The following CFL2 variants were observed in gnomAD, a reference collection of about 807,000 sequenced individuals.
CFL2 encodes the protein cofilin-2.
CFL2 carries 10 observed loss-of-function variants against 19.6 expected under a neutral mutation model. The observed-to-expected ratio is 0.51, with a 90% confidence interval of 0.31 to 0.86. CFL2 has a LOEUF of 0.86. Among genes scored for constraint, CFL2 ranks in the 40% least tolerant of loss-of-function variants. The pLI, the probability that CFL2 is intolerant of heterozygous loss-of-function variation, is 0.04. For synonymous variants in CFL2, 63 were observed against 66.7 expected (o/e 0.95, Z 0.27); for missense variants, 125 against 192.1 (o/e 0.65, Z 2.06).
rs1371144604 is a variant in CFL2, at chr14:34,710,722, A to G, written c.*2143T>C. ...AATTATATTAGTATCAGTTTTGTCA[A>G]TCTAGCAAATCAAAGTATCACAGTT... On this transcript the variant is annotated 3_prime_UTR_variant, in exon 4 of 4. Coordinates refer to ENST00000298159, the MANE Select transcript of CFL2 (RefSeq NM_138638.5). The G allele has an allele frequency of 4.4e-6, 2 of 452,010 alleles. No homozygotes were observed. The highest frequency in any genetic ancestry group is 8.8e-6 in the Non-Finnish European group (2 of 226,220). 28.0% of individuals were successfully genotyped at this position (452,010 alleles called of 1,614,324 possible).
At position 34,712,162 on chromosome 14, in the gene CFL2, G is replaced by A. The variant is rs899167155; in HGVS notation, c.*703C>T. 4.4e-6 allele frequency: 2 copies of A among 454,202 alleles called. No homozygotes were observed. The highest frequency in any genetic ancestry group is 4.4e-6 in the Non-Finnish European group (1 of 226,744). 28.1% of individuals were successfully genotyped at this position (454,202 alleles called of 1,614,324 possible). A position where few individuals can be genotyped will look rare whatever the true frequency, so the allele number is the denominator to read the frequency against. Reference sequence around the variant, plus strand: ...ATCTTTAGTGTTGCAGGACTCACATGGTAAACATAAAACTCCTACACTTAT... The same window carrying A: ...ATCTTTAGTGTTGCAGGACTCACATAGTAAACATAAAACTCCTACACTTAT... On this transcript the variant is annotated 3_prime_UTR_variant, in exon 4 of 4. Coordinates refer to ENST00000298159, the MANE Select transcript of CFL2 (RefSeq NM_138638.5).
At chr14:34,714,475 C>T (rs970887168) in intron 1 of CFL2, 63 bp downstream of exon 1, 17 of 1,529,564 alleles carry the variant, frequency 1.1e-5, no homozygotes, top group Middle Eastern at 2.1e-4. Flanking sequence ...GCCTCACTCC[C>T]GGGGCCGTGC....
At chr14:34,714,006 G>A (rs1222980847) in intron 1 of CFL2, among the ~76,000 whole-genome samples, 1 of 152,200 alleles carries the variant, frequency 6.6e-6, no homozygotes, top group Non-Finnish European at 1.5e-5. Context: ...AGAATCAAGT[G>A]TAAACTCCAA....
In CFL2 at chr14:34,714,504, C is replaced by A. The variant is rs547355423; in HGVS notation, c.3+34G>T. 39 of 1,563,872 alleles carry A rather than the reference C, an allele frequency of 2.5e-5. No individual in the cohort carries two copies. The African/African-American group carries it at 5.2e-4, about 21-fold the overall frequency. On this transcript the variant is annotated intron_variant, in intron 1 of 3. Transcript: ENST00000298159. The stretch of plus-strand genomic sequence containing the variant: ...GCCGTGCGGGGGGCTTTTCTCGCCT[C>A]GCCGCGGCCTCCCGGCCAGCGCGCT...
At chr14:34,714,481 C>T in intron 1 of CFL2, 57 bp downstream of exon 1, 3 of 1,536,140 alleles carry the variant, frequency 2.0e-6, no homozygotes, top group Non-Finnish European at 2.6e-6. Flanking sequence ...CTCCCGGGGC[C>T]GTGCGGGGGG....
intron 2 of CFL2, 26 bp downstream of exon 2, chr14:34,713,228 T>C (rs763138871): frequency 2.5e-6 from 4 of 1,600,036 alleles, no homozygotes; most frequent in South Asian, 2.2e-5. Flanking sequence ...ATTTTAAAAG[T>C]ACTTTTTTCT....
rs1003788941 is a variant in CFL2 at position 34,712,222 on chromosome 14, A to AT, written c.*642dup. 2.2e-6 allele frequency: 1 copy of AT among 454,456 alleles called. No homozygotes were observed. The highest frequency in any genetic ancestry group is 2.0e-5 in the African/African-American group (1 of 50,024). The allele number at this position is 454,456 out of a possible 1,614,324, so 28.2% of individuals were successfully genotyped here. ...TACACTCAATGGAAAACAAAAAGGC[A>AT]TTAATAACAGCTATTTCTTTTAAGA... On this transcript the variant is annotated 3_prime_UTR_variant, in exon 4 of 4. Transcript: ENST00000298159.
rs998436120 is a variant in CFL2 at position 34,710,684 on chromosome 14, C to G, written c.*2181G>C. ...TGGCTCTACGCACAAAGATGTATTT[C>G]AAAGATGAACTTAATTATATTAGTA... On this transcript the variant is annotated 3_prime_UTR_variant, in exon 4 of 4. Coordinates refer to ENST00000298159, the MANE Select transcript of CFL2 (RefSeq NM_138638.5). The G allele has an allele frequency of 2.2e-6, 1 of 450,752 alleles. No homozygotes were observed. Among genetic ancestry groups the G allele is most frequent in the Non-Finnish European group, 4.4e-6 (1 of 225,844 alleles). 27.9% of individuals were successfully genotyped at this position (450,752 alleles called of 1,614,324 possible). A position where few individuals can be genotyped will look rare whatever the true frequency, so the allele number is the denominator to read the frequency against.
chr14:34,711,854 C>T lies in CFL2; in HGVS notation c.*1011G>A. On this transcript the variant is annotated 3_prime_UTR_variant, in exon 4 of 4. Transcript: ENST00000298159. ...CCTTAAGATAGAATACTTTTTAAAC[C>T]AAATAGATCCAACAAATCTGGAAAA... 2.2e-6 allele frequency: 1 copy of T among 453,698 alleles called. No individual in the cohort carries two copies. Among genetic ancestry groups the T allele is most frequent in the South Asian group, 1.6e-5 (1 of 64,184 alleles). The allele number at this position is 453,698 out of a possible 1,614,324, so 28.1% of individuals were successfully genotyped here. A position where few individuals can be genotyped will look rare whatever the true frequency, so the allele number is the denominator to read the frequency against.
rs1375349119 is a variant in CFL2 at position 34,709,949 on chromosome 14, CTG to C, written c.*2914_*2915del. ...AGGACCTATGAAGAGCAAAATGAGA[CTG>C]TTTTTTCTGAGTGGCAAACCTAAGA... On this transcript the variant is annotated 3_prime_UTR_variant, in exon 4 of 4. Coordinates refer to ENST00000298159, the MANE Select transcript of CFL2 (RefSeq NM_138638.5). 1 of 152,162 alleles carries C rather than the reference CTG, an allele frequency of 6.6e-6. No individual in the cohort carries two copies. The highest frequency in any genetic ancestry group is 1.5e-5 in the Non-Finnish European group (1 of 68,062). The allele number at this position is 152,162 out of a possible 1,614,324, so 9.4% of individuals were successfully genotyped here. A position where few individuals can be genotyped will look rare whatever the true frequency, so the allele number is the denominator to read the frequency against.
In CFL2 at chr14:34,711,685, T is replaced by A. The variant is rs1885298438; in HGVS notation, c.*1180A>T. The A allele has an allele frequency of 2.2e-6, 1 of 446,916 alleles. No homozygotes were observed. The highest frequency in any genetic ancestry group is 2.0e-5 in the African/African-American group (1 of 49,474). The allele number at this position is 446,916 out of a possible 1,614,324, so 27.7% of individuals were successfully genotyped here. ...ATAAAAAAATAACTATGCTAATTTA[T>A]CCAGAGAACAAATCAGATATTGAAA... is the stretch of plus-strand genomic sequence containing the variant. On this transcript the variant is annotated 3_prime_UTR_variant, in exon 4 of 4. Coordinates refer to ENST00000298159, the MANE Select transcript of CFL2 (RefSeq NM_138638.5).
Position 34,711,221 on chromosome 14 carries a change from G to A in CFL2, c.*1644C>T. 1 of 454,446 alleles carries A rather than the reference G, an allele frequency of 2.2e-6. No individual in the cohort carries two copies. The highest frequency in any genetic ancestry group is 1.6e-5 in the South Asian group (1 of 64,468). 28.2% of individuals were successfully genotyped at this position (454,446 alleles called of 1,614,324 possible). On this transcript the variant is annotated 3_prime_UTR_variant, in exon 4 of 4. Transcript: ENST00000298159. ...TTTTCTTTCCTGTTTTCTGCTAAAA[G>A]CATTCCTCTGAGCTATGGGGTTAAG...
intron 1 of CFL2, 32 bp from the exon 2 acceptor site, chr14:34,713,593 C>G: frequency 6.2e-7 from 1 of 1,613,884 alleles, no homozygotes; most frequent in Non-Finnish European, 8.5e-7. Context: ...TAATTCAGAA[C>G]ACGTATTTTG....
chr14:34,712,517 T>C lies in CFL2; in HGVS notation c.*348A>G. ...TGACCATCTGACCAGTGGATAATAC[T>C]TTCAAGGCATTCAATTAGCTTATCC... On this transcript the variant is annotated 3_prime_UTR_variant, in exon 4 of 4. Transcript: ENST00000298159. 1 of 469,714 alleles carries C rather than the reference T, an allele frequency of 2.1e-6. No homozygotes were observed. The highest frequency in any genetic ancestry group is 1.5e-5 in the South Asian group (1 of 64,612). 29.1% of individuals were successfully genotyped at this position (469,714 alleles called of 1,614,324 possible).
In CFL2 at chr14:34,710,631, GA is replaced by G. The variant is rs141011293; in HGVS notation, c.*2233del. 1.5e-3 allele frequency: 672 copies of G among 436,424 alleles called. 6 individuals are homozygous for G. The highest frequency in any genetic ancestry group is 0.013 in the African/African-American group (627 of 49,092). The allele number at this position is 436,424 out of a possible 1,614,324, so 27.0% of individuals were successfully genotyped here. A position where few individuals can be genotyped will look rare whatever the true frequency, so the allele number is the denominator to read the frequency against. On this transcript the variant is annotated 3_prime_UTR_variant, in exon 4 of 4. Coordinates refer to ENST00000298159, the MANE Select transcript of CFL2 (RefSeq NM_138638.5). ...GCCAAATTAATCTCAAATAACAAGTGAACTATTATTAATTTTATCTCTTTTT... is the reference window on the plus strand; with the variant it reads ...GCCAAATTAATCTCAAATAACAAGTGACTATTATTAATTTTATCTCTTTTT...
In CFL2 at chr14:34,711,543, C is replaced by T; in HGVS notation, c.*1322G>A. On this transcript the variant is annotated 3_prime_UTR_variant, in exon 4 of 4. Transcript: ENST00000298159. Reference sequence around the variant, plus strand: ...AGTAGGTGAAATGACTGTTCCGAAACATCAGAAGTATCATTAAACTTTTAA... The same window carrying T: ...AGTAGGTGAAATGACTGTTCCGAAATATCAGAAGTATCATTAAACTTTTAA... 2.2e-6 allele frequency: 1 copy of T among 454,432 alleles called. No homozygotes were observed. Among genetic ancestry groups the T allele is most frequent in the East Asian group, 6.9e-5 (1 of 14,390 alleles). 28.1% of individuals were successfully genotyped at this position (454,432 alleles called of 1,614,324 possible).
Position 34,710,667 on chromosome 14 carries a change from C to T in CFL2, c.*2198G>A, listed in dbSNP as rs779701563. ...AATTTTATCTCTTTTTTTGGCTCTA[C>T]GCACAAAGATGTATTTCAAAGATGA... On this transcript the variant is annotated 3_prime_UTR_variant, in exon 4 of 4. Transcript: ENST00000298159. 4.5e-5 allele frequency: 20 copies of T among 445,318 alleles called. No individual in the cohort carries two copies. The highest frequency in any genetic ancestry group is 1.4e-4 in the East Asian group (2 of 14,356). The allele number at this position is 445,318 out of a possible 1,614,324, so 27.6% of individuals were successfully genotyped here.
At position 34,713,309 on chromosome 14, in the gene CFL2, C is replaced by T. The variant is rs756901142; in HGVS notation, c.256G>A (p.Asp86Asn). 5.6e-6 allele frequency: 9 copies of T among 1,613,738 alleles called. No homozygotes were observed. Among genetic ancestry groups the T allele is most frequent in the Non-Finnish European group, 7.6e-6 (9 of 1,179,858 alleles). ...PLNDCRYALY[D>N]ATYETKESKK... ...GACTCTTTTGTTTCGTATGTGGCAT[C>T]GTACAAAGCATATCGGCAATCATTC... Residue 86 changes from aspartate (D) to asparagine (N), a missense_variant, in exon 2 of 4, where the codon GAT becomes AAT. Asp to Asn is a conservative substitution (Grantham distance 23, BLOSUM62 1). Coordinates refer to ENST00000298159, the MANE Select transcript of CFL2 (RefSeq NM_138638.5).
chr14:34,711,949 T>A lies in CFL2; in HGVS notation c.*916A>T, dbSNP rs1885312697. 1 of 454,228 alleles carries A rather than the reference T, an allele frequency of 2.2e-6. No individual in the cohort carries two copies. Among genetic ancestry groups the A allele is most frequent in the Non-Finnish European group, 4.4e-6 (1 of 226,618 alleles). 28.1% of individuals were successfully genotyped at this position (454,228 alleles called of 1,614,324 possible). ...TGCAGAGATTAGTAATAGCTGTTTT[T>A]ACCCTAGAAGTTGTTTCACATAACA... On this transcript the variant is annotated 3_prime_UTR_variant, in exon 4 of 4. Transcript: ENST00000298159.
Sources: allele counts gnomAD v4.1 joint callset (sites outside exome capture counted in the v4.1 genomes callset), GRCh38; gene constraint gnomAD v4.1.1; transcripts MANE v1.5; gene names NCBI Gene and HGNC (gene_info 2026-07-23, HGNC 2026-07-21).